Variants in SPAG5 observed in about 807,000 individuals in gnomAD.
The protein encoded by SPAG5 is sperm-associated antigen 5.
SPAG5 carries 99 observed loss-of-function variants against 145.4 expected under a neutral mutation model. That is an observed-to-expected ratio of 0.68 (90% CI 0.58 to 0.80). The LOEUF is 0.80. SPAG5 is among the 30% of genes least tolerant of loss of function. SPAG5 has a pLI of 0.00. For synonymous variants in SPAG5, 477 were observed against 525.4 expected (o/e 0.91, Z 1.26); for missense variants, 1,192 against 1,416.0 (o/e 0.84, Z 2.54).
Position 28,585,131 on chromosome 17 carries a change from G to T in SPAG5, c.2038C>A (p.Arg680Ser), listed in dbSNP as rs187049512. 1 of 1,614,170 alleles carries T rather than the reference G, an allele frequency of 6.2e-7. No individual in the cohort carries two copies. Among genetic ancestry groups the T allele is most frequent in the Non-Finnish European group, 8.5e-7 (1 of 1,180,018 alleles). Residue 680 changes from arginine to serine, a missense_variant, in exon 10 of 24, where the codon CGT (arginine) becomes AGT (serine). Arg to Ser is a moderately radical substitution (Grantham distance 110, BLOSUM62 -1). Coordinates refer to ENST00000321765, the MANE Select transcript of SPAG5 (RefSeq NM_006461.4). Reference protein sequence around the residue: ...TVKSQQALQERDVAIEEKQEV... With the variant: ...TVKSQQALQESDVAIEEKQEV... Reference sequence around the variant, plus strand: ...TGCTTTTCCTCAATTGCCACATCACGTTCCTGCAGGGCTTGCTGGCTCTTG... The same window carrying T: ...TGCTTTTCCTCAATTGCCACATCACTTTCCTGCAGGGCTTGCTGGCTCTTG...
Position 28,592,548 on chromosome 17 carries a change from T to C in SPAG5, c.696A>G (p.Leu232=), listed in dbSNP as rs2070629107. ...SSRTEAVRED[L]VPSESNAFLP... is the part of the protein sequence containing the mutation. ...AGAAGGCGTTACTTTCAGAAGGTACTAAGTCCTCACGCACAGCCTCAGTTC... is the reference window on the plus strand; with the variant it reads ...AGAAGGCGTTACTTTCAGAAGGTACCAAGTCCTCACGCACAGCCTCAGTTC... Residue 232 remains leucine (L), a synonymous_variant, in exon 3 of 24, where the codon TTA becomes TTG. Transcript: ENST00000321765. The C allele has an allele frequency of 1.2e-6, 2 of 1,614,234 alleles. No homozygotes were observed. The highest frequency in any genetic ancestry group is 1.3e-5 in the African/African-American group (1 of 75,080).
rs1405126691 is a variant in SPAG5, at chr17:28,592,823, G to C, written c.421C>G (p.Gln141Glu). The part of the protein sequence containing the change: ...VLVPSPLGQQ[Q>E]DMIFEARLDT... Reference sequence around the variant, plus strand: ...AAACGGGCCTCAAATATCATGTCTTGTTGCTGCCCCAGTGGAGATGGTACA... The same window carrying C: ...AAACGGGCCTCAAATATCATGTCTTCTTGCTGCCCCAGTGGAGATGGTACA... Residue 141 changes from glutamine to glutamate, a missense_variant, in exon 3 of 24, where the codon CAA becomes GAA. Gln to Glu is a conservative substitution (Grantham distance 29, BLOSUM62 2). This residue lies in a region of SPAG5 where 329 missense variants were observed against 354.0 expected (regional missense o/e 0.93). Coordinates refer to ENST00000321765, the MANE Select transcript of SPAG5 (RefSeq NM_006461.4). 6.8e-6 allele frequency: 11 copies of C among 1,614,150 alleles called. No homozygotes were observed. Among genetic ancestry groups the C allele is most frequent in the Non-Finnish European group, 8.5e-6 (10 of 1,180,030 alleles).
At chr17:28,591,655 A>AT (rs1338591543) in intron 4 of SPAG5, 43 bp downstream of exon 4, 6 of 1,539,434 alleles carry the variant, frequency 3.9e-6, no homozygotes, top group Non-Finnish European at 5.3e-6. Flanking sequence ...AATTCCAAGG[A>AT]TCCCCACTGG....
rs151239515 is a variant in SPAG5, at chr17:28,578,277, C to A, written c.3370G>T (p.Val1124Leu). The A allele has an allele frequency of 1.4e-5, 22 of 1,614,064 alleles. No individual in the cohort carries two copies. In the African/African-American group the frequency reaches 2.9e-4, roughly 22 times the overall value. ...WLSQEVDKLR[V>L]MFLEMKNEKE... is the part of the protein sequence containing the mutation. ...TCATTTTTCATCTCCAGGAACATCACTCTCAGTTTGTCCACCTAGAAATAT... is the reference window on the plus strand; with the variant it reads ...TCATTTTTCATCTCCAGGAACATCAATCTCAGTTTGTCCACCTAGAAATAT... The change falls in exon 22 of 24, where the codon GTG becomes TTG. Residue 1124 changes from valine to leucine, a missense_variant. Around this residue, in one of 5 missense-constraint regions of SPAG5, gnomAD observed 709 missense variants for 840.7 expected, o/e 0.84. Coordinates refer to ENST00000321765, the MANE Select transcript of SPAG5 (RefSeq NM_006461.4).
intron 2 of SPAG5, among the ~76,000 whole-genome samples, chr17:28,596,005 C>G (rs573141161): frequency 1.9e-4 from 29 of 152,084 alleles, no homozygotes; most frequent in African/African-American, 6.7e-4. Flanking sequence ...CTAGATGGCA[C>G]CACTGCACTC....
At chr17:28,585,695 G>A (rs1319630223) in intron 7 of SPAG5, 42 bp from the exon 8 acceptor site, 2 of 1,611,910 alleles carry the variant, frequency 1.2e-6, no homozygotes, top group African/African-American at 2.7e-5. Flanking sequence ...GGGCAACAGG[G>A]GAGCCAGCAC....
intron 2 of SPAG5, among the ~76,000 whole-genome samples, chr17:28,595,434 A>G (rs1172083748): frequency 6.6e-6 from 1 of 152,064 alleles, no homozygotes; most frequent in Non-Finnish European, 1.5e-5. Context: ...CAAACAATTA[A>G]TATCTATTAA....
In SPAG5 at chr17:28,585,521, G is replaced by A; in HGVS notation, c.1860+13C>T. 1 of 1,613,978 alleles carries A rather than the reference G, an allele frequency of 6.2e-7. No individual in the cohort carries two copies. The highest frequency in any genetic ancestry group is 8.5e-7 in the Non-Finnish European group (1 of 1,180,034). On this transcript the variant is annotated intron_variant, in intron 8 of 23. Transcript: ENST00000321765. The stretch of plus-strand genomic sequence containing the variant: ...CAGCACAGACCCCAGGAAAGAAAAT[G>A]CCCTTAAATTACCAGTTGGGTCTGG...
At position 28,592,999 on chromosome 17, in the gene SPAG5, T is replaced by A; in HGVS notation, c.245A>T (p.His82Leu). 6.2e-7 allele frequency: 1 copy of A among 1,614,194 alleles called. No individual in the cohort carries two copies. The highest frequency in any genetic ancestry group is 8.5e-7 in the Non-Finnish European group (1 of 1,180,026). ...NNKRTDLSSE[H>L]FSHSSKWLET... ...TAGCCACTTTGAGGAATGACTGAAA[T>A]GTTCTGAAGATAAGTCTGTCCTCTT... Residue 82 changes from histidine (H) to leucine (L), a missense_variant, in exon 3 of 24, where the codon CAT (histidine) becomes CTT (leucine). His to Leu is a moderately conservative substitution (Grantham distance 99). Transcript: ENST00000321765.
Position 28,584,716 on chromosome 17 carries a change from G to C in SPAG5, c.2097C>G (p.Ala699=). 1 of 1,613,976 alleles carries C rather than the reference G, an allele frequency of 6.2e-7. No homozygotes were observed. Among genetic ancestry groups the C allele is most frequent in the Non-Finnish European group, 8.5e-7 (1 of 1,179,956 alleles). Residue 699 remains alanine, a synonymous_variant, in exon 11 of 24, where the codon GCC becomes GCG. Coordinates refer to ENST00000321765, the MANE Select transcript of SPAG5 (RefSeq NM_006461.4). ...TTTGGCCTTTGCACTCCTCTAACTG[G>C]GCAGAGACTTGTTCCAGCACCCTAG... ...EVSRVLEQVS[A]QLEECKGQTE...
rs1439204063 is a variant in SPAG5 at position 28,577,782 on chromosome 17, G to C, written c.3511-12C>G. 6.2e-7 allele frequency: 1 copy of C among 1,610,266 alleles called. No individual in the cohort carries two copies. The highest frequency in any genetic ancestry group is 1.7e-5 in the Admixed American group (1 of 60,004). On this transcript the variant is annotated splice_polypyrimidine_tract_variant and intron_variant, in intron 23 of 23. Coordinates refer to ENST00000321765, the MANE Select transcript of SPAG5 (RefSeq NM_006461.4). ...ATAGAGAGCAGGGTCTGGGAAGAGA[G>C]GCAGAAAACGCAGCTCAGGACCACA...
intron 4 of SPAG5, among the ~76,000 whole-genome samples, chr17:28,590,792 C>T (rs2070615173): frequency 7.1e-6 from 1 of 140,674 alleles, no homozygotes. Context: ...TCGCTTGAAC[C>T]TGGGAGGCAG....
At chr17:28,580,180 G>T in intron 15 of SPAG5, 60 bp from the exon 16 acceptor site, 1 of 1,166,924 alleles carries the variant, frequency 8.6e-7, no homozygotes, top group South Asian at 1.5e-5. Flanking sequence ...TGGGCTTCCA[G>T]GTAACTCCCA....
chr17:28,592,857 G>C lies in SPAG5; in HGVS notation c.387C>G (p.Thr129=), dbSNP rs749932671. 7 of 1,614,182 alleles carry C rather than the reference G, an allele frequency of 4.3e-6. No individual in the cohort carries two copies. The highest frequency in any genetic ancestry group is 5.9e-6 in the Non-Finnish European group (7 of 1,180,038). Residue 129 remains threonine, a synonymous_variant, in exon 3 of 24, where the codon ACC becomes ACG. Transcript: ENST00000321765. ...CCAGTGGAGATGGTACAAGGACGATGGTTTTAACCATATAATTGCCCAGTG... is the reference window on the plus strand; with the variant it reads ...CCAGTGGAGATGGTACAAGGACGATCGTTTTAACCATATAATTGCCCAGTG... ...VDPLGNYMVK[T]IVLVPSPLGQ... is the part of the protein sequence containing the mutation.
At chr17:28,591,435 A>T (rs923500924) in intron 4 of SPAG5, among the ~76,000 whole-genome samples, 2 of 152,144 alleles carry the variant, frequency 1.3e-5, no homozygotes, top group African/African-American at 4.8e-5. Flanking sequence ...CTGATTTTTT[A>T]AAAATCTTTT....
chr17:28,583,408 A>T, intron 15 of SPAG5, 103 bp downstream of exon 15: 1 of 1,313,666 alleles, frequency 7.6e-7, no homozygotes, highest in Non-Finnish European at 1.0e-6. Flanking sequence ...AGGTAACTGA[A>T]ATCATAAAAG....
intron 4 of SPAG5, among the ~76,000 whole-genome samples, chr17:28,589,786 C>T (rs1187174718): frequency 6.6e-6 from 1 of 152,122 alleles, no homozygotes; most frequent in African/African-American, 2.4e-5. Flanking sequence ...GTGGCATACA[C>T]CTACAGTCCT....
At chr17:28,585,454 G>C (rs1203210083) in intron 8 of SPAG5, 43 bp from the exon 9 acceptor site, 1 of 1,613,572 alleles carries the variant, frequency 6.2e-7, no homozygotes, top group East Asian at 2.2e-5. Flanking sequence ...CTTCCCTTTG[G>C]ATACAGCAAA....
At chr17:28,580,178 C>CA in intron 15 of SPAG5, 58 bp from the exon 16 acceptor site, 1 of 1,174,204 alleles carries the variant, frequency 8.5e-7, no homozygotes, top group Non-Finnish European at 1.2e-6. Flanking sequence ...CCTGGGCTTC[C>CA]AGGTAACTCC....
Sources: gnomAD v4.1 joint callset for allele counts (sites outside exome capture counted in the v4.1 genomes callset) on GRCh38, gnomAD v4.1.1 for gene constraint, gnomAD v4.1.1 regional missense constraint, MANE v1.5 for transcripts, NCBI Gene and HGNC (gene_info 2026-07-23, HGNC 2026-07-21) for gene names.